SOX5: variants seen among roughly 807,000 people sequenced by gnomAD.
The protein encoded by SOX5 is SRY-box transcription factor 5.
SOX5 carries 9 observed loss-of-function variants against 92.0 expected under a neutral mutation model. The ratio of observed to expected loss-of-function variants is 0.10; its 90% CI spans 0.06 to 0.17. SOX5 has a LOEUF of 0.17. Among genes scored for constraint, SOX5 ranks in the 10% least tolerant of loss-of-function variants. The pLI is 1.00. For synonymous variants in SOX5, 344 were observed against 336.3 expected, an observed-to-expected ratio of 1.02 and a Z score of -0.25; for missense variants, 642 against 944.5, an observed-to-expected ratio of 0.68 and a Z score of 4.20.
chr12:24,281,868 G>A (rs1242993014), intron 2 of SOX5, among the ~76,000 whole-genome samples: 1 of 152,204 alleles, frequency 6.6e-6, no homozygotes, highest in Non-Finnish European at 1.5e-5. Flanking sequence ...TACTAAAGCA[G>A]ATGCCAGATG....
intron 4 of SOX5, among the ~76,000 whole-genome samples, chr12:24,014,488 G>A (rs1953345823): frequency 6.6e-6 from 1 of 152,166 alleles, no homozygotes. Flanking sequence ...AAACAGCCTG[G>A]CAGCACCACA....
At chr12:23,743,604 A>T (rs117632798) in intron 4 of SOX5, among the ~76,000 whole-genome samples, 3,620 of 152,058 alleles carry the variant, frequency 0.024, 62 homozygotes, top group Non-Finnish European at 0.031. Context: ...TATTTAGAAA[A>T]TTTTTCCACA....
chr12:23,739,475 C>A (rs2093718866), intron 5 of SOX5, among the ~76,000 whole-genome samples: 1 of 152,042 alleles, frequency 6.6e-6, no homozygotes, highest in Non-Finnish European at 1.5e-5. Context: ...GATATTAGAA[C>A]GATTACTTTT....
chr12:24,253,565 G>A (rs1264060779), intron 3 of SOX5, among the ~76,000 whole-genome samples: 1 of 152,134 alleles, frequency 6.6e-6, no homozygotes, highest in Non-Finnish European at 1.5e-5. Context: ...TTTGTAAGAG[G>A]TGTGGGAAAC....
chr12:24,301,766 G>A (rs577893089), intron 2 of SOX5, among the ~76,000 whole-genome samples: 1 of 152,128 alleles, frequency 6.6e-6, no homozygotes, highest in Non-Finnish European at 1.5e-5. Flanking sequence ...GAAGAAAAAT[G>A]CATTTTCCTA....
chr12:24,450,747 T>A (rs1373230269), intron 1 of SOX5, among the ~76,000 whole-genome samples: 2 of 152,174 alleles, frequency 1.3e-5, no homozygotes, highest in Non-Finnish European at 2.9e-5. Context: ...CACCTTGGCC[T>A]CCCAAAGTGT....
chr12:24,089,938 A>G (rs1944441256), intron 4 of SOX5, among the ~76,000 whole-genome samples: 1 of 152,184 alleles, frequency 6.6e-6, no homozygotes, highest in Non-Finnish European at 1.5e-5. Context: ...TATCTCTGTT[A>G]TATAGGAAAT....
At chr12:23,724,445 AAG>A (rs1385035345) in intron 6 of SOX5, among the ~76,000 whole-genome samples, 3 of 152,192 alleles carry the variant, frequency 2.0e-5, no homozygotes, top group African/African-American at 4.8e-5. Context: ...GTACAGTACA[AAG>A]AGATCATATT....
chr12:23,714,755 TA>T (rs2140429584), intron 6 of SOX5, among the ~76,000 whole-genome samples: 1 of 152,330 alleles, frequency 6.6e-6, no homozygotes, highest in African/African-American at 2.4e-5. Flanking sequence ...AAAAGTAAGC[TA>T]TTATCTATAG....
intron 1 of SOX5, among the ~76,000 whole-genome samples, chr12:24,531,440 G>C (rs1040193364): frequency 6.6e-6 from 1 of 152,084 alleles, no homozygotes; most frequent in Non-Finnish European, 1.5e-5. Flanking sequence ...AGTTATAACA[G>C]ATGCACACAA....
In SOX5 at chr12:24,068,741, TATATATACAC is replaced by T. The variant is rs1186229442; in HGVS notation, c.-2+144592_-2+144601del. Among the ~76,000 whole-genome samples the T allele has an allele frequency of 2.5e-3, 192 of 77,210 alleles. 1 individual carries two copies. Among genetic ancestry groups the T allele is most frequent in the African/African-American group, 9.3e-3 (183 of 19,734 alleles). The allele number at this position is 77,210 out of a possible 152,430, so 50.7% of individuals were successfully genotyped here. A position where few individuals can be genotyped will look rare whatever the true frequency, so the allele number is the denominator to read the frequency against. On this transcript the variant is annotated intron_variant, in intron 4 of 4. Transcript: ENST00000446891. ...ATATATATATATATATATATATATA[TATATATACAC>T]ACACACACATTAGTTCCTAGTTTAT...
intron 6 of SOX5, among the ~76,000 whole-genome samples, chr12:23,721,009 C>T (rs973544841): frequency 6.6e-6 from 1 of 152,094 alleles, no homozygotes; most frequent in Non-Finnish European, 1.5e-5. Context: ...ACCATATCTT[C>T]ATCTACAAAA....
intron 4 of SOX5, among the ~76,000 whole-genome samples, chr12:24,124,127 G>C (rs1439461855): frequency 6.6e-6 from 1 of 152,010 alleles, no homozygotes; most frequent in Non-Finnish European, 1.5e-5. Flanking sequence ...ATTTTAAAAG[G>C]ACCTGTATCC....
In SOX5 at chr12:24,087,970, C is replaced by A. The variant is rs568621402; in HGVS notation, c.-2+125373G>T. 9.9e-5 allele frequency among the ~76,000 whole-genome samples: 15 copies of A among 152,130 alleles called. No individual in the cohort carries two copies. In the South Asian group the frequency reaches 2.3e-3, roughly 23 times the overall value. Reference sequence around the variant, plus strand: ...GAAAGGCAGGCTCTTTAGCCCTCAACATTCTTCCAACTAGTGAGTTTCTAA... The same window carrying A: ...GAAAGGCAGGCTCTTTAGCCCTCAAAATTCTTCCAACTAGTGAGTTTCTAA... On this transcript the variant is annotated intron_variant, in intron 4 of 4. Transcript: ENST00000446891.
intron 3 of SOX5, among the ~76,000 whole-genome samples, chr12:24,238,825 C>T (rs1488509651): frequency 1.3e-5 from 2 of 152,228 alleles, no homozygotes; most frequent in Non-Finnish European, 2.9e-5. Context: ...CCATTTTGCA[C>T]ATGGCATGTT....
At chr12:23,595,407 G>A (rs7137670) in intron 9 of SOX5, among the ~76,000 whole-genome samples, 9,183 of 152,030 alleles carry the variant, frequency 0.06, 916 homozygotes, top group African/African-American at 0.21. Context: ...CGGATCATGA[G>A]GTCAGAAGAT....
chr12:23,921,142 A>G (rs1938127087), intron 1 of SOX5, among the ~76,000 whole-genome samples: 1 of 152,204 alleles, frequency 6.6e-6, no homozygotes, highest in Non-Finnish European at 1.5e-5. Flanking sequence ...CCAAGTTAGA[A>G]TAGTCCCTGT....
At chr12:24,088,149 A>G (rs1052786482) in intron 4 of SOX5, among the ~76,000 whole-genome samples, 1 of 152,100 alleles carries the variant, frequency 6.6e-6, no homozygotes, top group Non-Finnish European at 1.5e-5. Flanking sequence ...TTAAAAAAAA[A>G]TCAAGGATAT....
intron 3 of SOX5, among the ~76,000 whole-genome samples, chr12:24,224,791 T>C (rs1363398788): frequency 1.3e-5 from 2 of 152,242 alleles, no homozygotes; most frequent in Non-Finnish European, 2.9e-5. Context: ...TGTCACTGCA[T>C]GAGCACTGAT....
Sources: gnomAD v4.1 joint callset for allele counts (sites outside exome capture counted in the v4.1 genomes callset) on GRCh38, gnomAD v4.1.1 for gene constraint, MANE v1.5 for transcripts, NCBI Gene and HGNC (gene_info 2026-07-23, HGNC 2026-07-21) for gene names.